The following PKIG variants were observed in gnomAD, a reference collection of about 807,000 sequenced individuals.
PKIG encodes the protein cAMP-dependent protein kinase inhibitor gamma.
Under a neutral mutation model 6.8 loss-of-function variants are expected in PKIG, and 1 was observed. That is an observed-to-expected ratio of 0.15 (90% CI 0.05 to 0.69). The LOEUF (loss-of-function observed/expected upper bound fraction) is 0.69, where lower values mean the gene tolerates loss of function less well. Ranked by LOEUF, PKIG falls within the 30% of genes least tolerant of loss-of-function variation. PKIG has a pLI of 0.82. For synonymous variants in PKIG, 39 were observed against 43.0 expected, an observed-to-expected ratio of 0.91 and a Z score of 0.36; for missense variants, 77 against 104.0, an observed-to-expected ratio of 0.74 and a Z score of 1.13.
chr20:44,603,434 G>C (rs1317225120), intron 2 of PKIG, among the ~76,000 whole-genome samples: 1 of 152,146 alleles, frequency 6.6e-6, no homozygotes, highest in African/African-American at 2.4e-5. Context: ...GAGGGGAGTT[G>C]TGCACGGCCC....
chr20:44,594,816 C>A (rs902471286), intron 2 of PKIG, among the ~76,000 whole-genome samples: 2 of 152,226 alleles, frequency 1.3e-5, no homozygotes, highest in African/African-American at 4.8e-5. Context: ...CCTCCAGCAC[C>A]TCTCTTAAGA....
chr20:44,537,253 C>T lies in PKIG; in HGVS notation c.-241+5275C>T, dbSNP rs574836709. ...CTGAGTAGCTGGGATTACAGGCACG[C>T]GCCACCACGCCCGGCTAATTTTGTA... On this transcript the variant is annotated intron_variant, in intron 1 of 4. Transcript: ENST00000372887. Among the ~76,000 whole-genome samples the T allele has an allele frequency of 1.3e-4, 20 of 152,082 alleles. 1 individual carries two copies. Among genetic ancestry groups the T allele is most frequent in the South Asian group, 2.1e-4 (1 of 4,814 alleles).
chr20:44,546,924 ATGT>A (rs1305331415), intron 1 of PKIG, among the ~76,000 whole-genome samples: 2 of 152,164 alleles, frequency 1.3e-5, no homozygotes, highest in Admixed American at 6.6e-5. Context: ...ATTTGTCCTG[ATGT>A]TATTTCTTTT....
chr20:44,573,366 C>T (rs1341871234), intron 1 of PKIG, among the ~76,000 whole-genome samples: 2 of 152,194 alleles, frequency 1.3e-5, no homozygotes, highest in East Asian at 3.8e-4. Flanking sequence ...GAGATTATGA[C>T]TAATTTAACA....
chr20:44,607,796 T>A (rs556933404), intron 2 of PKIG, among the ~76,000 whole-genome samples: 3 of 151,746 alleles, frequency 2.0e-5, no homozygotes, highest in Non-Finnish European at 4.4e-5. Flanking sequence ...GCCATTCTCC[T>A]GCCTCAGCCT....
chr20:44,559,425 G>A lies in PKIG; in HGVS notation c.-240-23160G>A, dbSNP rs939315781. Among the ~76,000 whole-genome samples the A allele has an allele frequency of 2.1e-4, 32 of 152,184 alleles. 1 individual carries two copies. The highest frequency in any genetic ancestry group is 7.5e-4 in the African/African-American group (31 of 41,436). On this transcript the variant is annotated intron_variant, in intron 1 of 4. Coordinates refer to the PKIG transcript ENST00000372887. ...TTTGGCTTTGAGTAACAGAAGCAGG[G>A]AATGTACAGAAGGGGTGTCAGACAA...
chr20:44,574,086 T>G (rs1254536183), intron 1 of PKIG, among the ~76,000 whole-genome samples: 1 of 152,256 alleles, frequency 6.6e-6, no homozygotes, highest in Non-Finnish European at 1.5e-5. Context: ...TACTTCTATT[T>G]CTCTAAATAA....
At chr20:44,603,275 C>T (rs1368225239) in intron 2 of PKIG, among the ~76,000 whole-genome samples, 1 of 152,050 alleles carries the variant, frequency 6.6e-6, no homozygotes. Flanking sequence ...CTAACTCAGC[C>T]CCCAAATGAA....
At chr20:44,536,205 A>G (rs1040283872) in intron 1 of PKIG, among the ~76,000 whole-genome samples, 4 of 152,212 alleles carry the variant, frequency 2.6e-5, no homozygotes, top group Non-Finnish European at 4.4e-5. Context: ...TTGTTTATCC[A>G]TTCATCGATG....
chr20:44,612,814 T>C (rs1461189055), intron 2 of PKIG, among the ~76,000 whole-genome samples: 1 of 152,172 alleles, frequency 6.6e-6, no homozygotes, highest in Admixed American at 6.5e-5. Context: ...GGATATACTC[T>C]CAGGAAACAA....
chr20:44,553,696 T>G (rs1568807880), intron 1 of PKIG, among the ~76,000 whole-genome samples: 2 of 152,196 alleles, frequency 1.3e-5, no homozygotes, highest in Non-Finnish European at 2.9e-5. Context: ...GTCATGGACC[T>G]TATACTCTAA....
At chr20:44,532,512 C>T (rs1029994683) in intron 1 of PKIG, among the ~76,000 whole-genome samples, 2 of 152,124 alleles carry the variant, frequency 1.3e-5, no homozygotes, top group Non-Finnish European at 2.9e-5. Context: ...AGCCACGGCC[C>T]GGGCTGATAG....
chr20:44,610,462 T>TTCTCTCTCTC (rs146920514), intron 2 of PKIG, among the ~76,000 whole-genome samples: 2 of 123,254 alleles, frequency 1.6e-5, no homozygotes, highest in African/African-American at 6.2e-5. Flanking sequence ...GTCTCTCTCT[T>TTCTCTCTCTC]TCTCTCTCTC....
intron 1 of PKIG, among the ~76,000 whole-genome samples, chr20:44,577,007 C>G (rs1296468439): frequency 6.6e-6 from 1 of 151,704 alleles, no homozygotes. Context: ...ACTCCAAAAC[C>G]AAAAAAATAC....
chr20:44,604,987 T>TA (rs1209750497), intron 2 of PKIG, among the ~76,000 whole-genome samples: 5 of 151,442 alleles, frequency 3.3e-5, no homozygotes, highest in Non-Finnish European at 7.4e-5. Flanking sequence ...TAAGAAAACA[T>TA]AGATCAGCAA....
At chr20:44,609,111 A>C (rs552220938) in intron 2 of PKIG, among the ~76,000 whole-genome samples, 34 of 152,318 alleles carry the variant, frequency 2.2e-4, no homozygotes, top group South Asian at 4.1e-4. Flanking sequence ...TATGGGAGAA[A>C]AATAAAACGA....
intron 1 of PKIG, among the ~76,000 whole-genome samples, chr20:44,546,319 A>G (rs1052267640): frequency 1.3e-5 from 2 of 152,144 alleles, no homozygotes; most frequent in Non-Finnish European, 2.9e-5. Flanking sequence ...GAAAATAAAC[A>G]TGCATTTTTA....
intron 1 of PKIG, among the ~76,000 whole-genome samples, chr20:44,567,884 G>C (rs1381971982): frequency 1.3e-5 from 2 of 152,284 alleles, no homozygotes; most frequent in East Asian, 3.9e-4. Context: ...AAATAACTCT[G>C]CCTGTAATCC....
intron 2 of PKIG, among the ~76,000 whole-genome samples, chr20:44,607,371 A>G (rs1367655537): frequency 3.5e-5 from 4 of 113,144 alleles, no homozygotes; most frequent in East Asian, 2.6e-4. Context: ...ATATATATAT[A>G]TATATATTTT....
Sources: allele counts gnomAD v4.1 joint callset (sites outside exome capture counted in the v4.1 genomes callset), GRCh38; gene constraint gnomAD v4.1.1; transcripts MANE v1.5; gene names NCBI Gene and HGNC (gene_info 2026-07-23, HGNC 2026-07-21).